RELN: variants seen among roughly 807,000 people sequenced by gnomAD.
RELN encodes the protein reelin.
In RELN, 108 loss-of-function variants were observed where a neutral mutation model predicts 427.6. That is an observed-to-expected ratio of 0.25 (90% CI 0.22 to 0.30). The LOEUF is 0.30. RELN is among the 10% of genes least tolerant of loss of function. RELN has a pLI of 1.00. For synonymous variants in RELN, 1,524 were observed against 1,513.4 expected, an observed-to-expected ratio of 1.01 and a Z score of -0.16; for missense variants, 3,715 against 4,302.8, an observed-to-expected ratio of 0.86 and a Z score of 3.82.
chr7:103,755,205 C>T (rs188772542), intron 4 of RELN, among the ~76,000 whole-genome samples: 10 of 152,174 alleles, frequency 6.6e-5, no homozygotes, highest in Non-Finnish European at 1.5e-4. Context: ...CCTGTAATCC[C>T]GGCACTTTGG....
intron 11 of RELN, among the ~76,000 whole-genome samples, chr7:103,681,281 A>G (rs2115690425): frequency 6.6e-6 from 1 of 152,276 alleles, no homozygotes; most frequent in South Asian, 2.1e-4. Context: ...ATCAGTTTTG[A>G]TTTAATTTGT....
Position 103,572,189 on chromosome 7 carries a change from T to C in RELN, c.4583A>G (p.Asn1528Ser). Residue 1528 changes from asparagine to serine, a missense_variant, in exon 31 of 65, where the codon AAT (asparagine) becomes AGT (serine). Asn to Ser is a conservative substitution (Grantham distance 46). Transcript: ENST00000428762. ...ATGGAAATACAGCAGCTTACCTTCA[T>C]TTCTAGTTCTTGGTTTGATGCAGGT... Reference protein sequence around the residue: ...GITCIKPRTRNEGLIVQYSND... With the variant: ...GITCIKPRTRSEGLIVQYSND... The C allele has an allele frequency of 1.3e-6, 2 of 1,555,406 alleles. No individual in the cohort carries two copies. Among genetic ancestry groups the C allele is most frequent in the Non-Finnish European group, 1.8e-6 (2 of 1,126,528 alleles).
intron 16 of RELN, among the ~76,000 whole-genome samples, chr7:103,642,291 A>G (rs957838205): frequency 6.9e-6 from 1 of 145,782 alleles, no homozygotes; most frequent in Non-Finnish European, 1.5e-5. Context: ...GTTTTTCTCT[A>G]TTTTTTTCTG....
At position 103,939,914 on chromosome 7, in the gene RELN, T is replaced by C. The variant is rs554815987; in HGVS notation, c.227-22729A>G. Among the ~76,000 whole-genome samples, 6 of 152,342 alleles carry C rather than the reference T, an allele frequency of 3.9e-5. No homozygotes were observed. The East Asian group carries it at 9.6e-4, about 24-fold the overall frequency. On this transcript the variant is annotated intron_variant, in intron 1 of 64. Coordinates refer to ENST00000428762, the MANE Select transcript of RELN (RefSeq NM_005045.4). ...TCTATGTAATGGTAGGATCCAATTC[T>C]GTTTAAAAGCATATTTATACATGTT...
Position 103,843,646 on chromosome 7 carries a change from G to C in RELN, c.338-9974C>G, listed in dbSNP as rs144781969. On this transcript the variant is annotated intron_variant, in intron 2 of 64. Transcript: ENST00000428762. The stretch of plus-strand genomic sequence containing the variant: ...CTCCAAATGCCTAAATTTTTCATCA[G>C]TTATTATATACCCTTTGTCCTCTTG... Among the ~76,000 whole-genome samples, 882 of 152,206 alleles carry C rather than the reference G, an allele frequency of 5.8e-3. 12 individuals carry two copies. Among genetic ancestry groups the C allele is most frequent in the African/African-American group, 0.021 (852 of 41,544 alleles).
At chr7:103,526,104 G>A (rs922556413) in intron 46 of RELN, among the ~76,000 whole-genome samples, 1 of 152,202 alleles carries the variant, frequency 6.6e-6, no homozygotes, top group Non-Finnish European at 1.5e-5. Context: ...GGGGCAGACA[G>A]CTTCCTGGCA....
At chr7:103,815,981 G>A (rs753971150) in intron 3 of RELN, among the ~76,000 whole-genome samples, 8 of 152,040 alleles carry the variant, frequency 5.3e-5, no homozygotes, top group Admixed American at 1.3e-4. Context: ...ACTGTTATAC[G>A]TCAAGTCCTC....
Position 103,626,788 on chromosome 7 carries a change from A to G in RELN, c.2702+3152T>C. ...ACTAATAGTATTAGATGCAATATTTAATAAACTTCAATTAGAATTTTTCCC... is the reference window on the plus strand; with the variant it reads ...ACTAATAGTATTAGATGCAATATTTGATAAACTTCAATTAGAATTTTTCCC... On this transcript the variant is annotated intron_variant, in intron 20 of 64. Transcript: ENST00000428762. This position sits in a 1 kb window ranked among gnomAD's most constrained non-coding sequence, Gnocchi z 4.4. 1.3e-5 allele frequency among the ~76,000 whole-genome samples: 2 copies of G among 152,160 alleles called. 1 individual carries two copies. The highest frequency in any genetic ancestry group is 2.9e-5 in the Non-Finnish European group (2 of 67,986).
chr7:103,950,787 C>T (rs1344007776), intron 1 of RELN, among the ~76,000 whole-genome samples: 1 of 152,152 alleles, frequency 6.6e-6, no homozygotes, highest in East Asian at 1.9e-4. Flanking sequence ...TTGGATAACA[C>T]CATGATCTAT....
In RELN at chr7:103,666,476, C is replaced by G. The variant is rs373589386; in HGVS notation, c.1290-4949G>C. 2.4e-4 allele frequency among the ~76,000 whole-genome samples: 36 copies of G among 152,150 alleles called. 1 individual carries two copies. The highest frequency in any genetic ancestry group is 8.2e-4 in the African/African-American group (34 of 41,520). On this transcript the variant is annotated intron_variant, in intron 11 of 64. Transcript: ENST00000428762. ...TTTTAAATCATTTAATCATATTTAT[C>G]TCATATCTCTCTTATCTCAATTGGA...
At chr7:103,934,005 A>G (rs1795923075) in intron 1 of RELN, among the ~76,000 whole-genome samples, 1 of 152,190 alleles carries the variant, frequency 6.6e-6, no homozygotes, top group African/African-American at 2.4e-5. Context: ...GATGAGAAAC[A>G]GCCAAAAATC....
chr7:103,813,145 G>A (rs1204830294), intron 3 of RELN, among the ~76,000 whole-genome samples: 1 of 152,084 alleles, frequency 6.6e-6, no homozygotes, highest in African/African-American at 2.4e-5. Flanking sequence ...TCCCTGGAAG[G>A]TTACTGGAAA....
At chr7:103,847,759 T>C (rs1456042651) in intron 2 of RELN, among the ~76,000 whole-genome samples, 1 of 152,150 alleles carries the variant, frequency 6.6e-6, no homozygotes, top group Non-Finnish European at 1.5e-5. Context: ...ATGGCTTGTA[T>C]TTATATCTCT....
intron 2 of RELN, among the ~76,000 whole-genome samples, chr7:103,911,814 T>C (rs1795372748): frequency 8.4e-6 from 1 of 118,358 alleles, no homozygotes; most frequent in African/African-American, 3.3e-5. Flanking sequence ...TGAGATCACA[T>C]GGACACAGGA....
rs1300635223 is a variant in RELN, at chr7:103,566,113, C to G, written c.4936+111G>C. On this transcript the variant is annotated intron_variant, in intron 33 of 64. Transcript: ENST00000428762. ...TTTTTTCACTGAGAGCCACCCTCAGCATGGGTAGTTAGGCACACGGTTTTG... is the reference window on the plus strand; with the variant it reads ...TTTTTTCACTGAGAGCCACCCTCAGGATGGGTAGTTAGGCACACGGTTTTG... 4.3e-6 allele frequency: 4 copies of G among 924,090 alleles called. No homozygotes were observed. The African/African-American group carries it at 6.5e-5, about 15-fold the overall frequency. 57.2% of individuals were successfully genotyped at this position (924,090 alleles called of 1,614,324 possible).
chr7:103,540,684 T>G (rs1230328903), intron 43 of RELN, among the ~76,000 whole-genome samples: 1 of 152,154 alleles, frequency 6.6e-6, no homozygotes, highest in Non-Finnish European at 1.5e-5. Flanking sequence ...CATATTTGTG[T>G]CTAGTGACTC....
intron 6 of RELN, among the ~76,000 whole-genome samples, chr7:103,748,299 T>G (rs576198505): frequency 6.6e-6 from 1 of 152,198 alleles, no homozygotes; most frequent in South Asian, 2.1e-4. Flanking sequence ...TGATAATATT[T>G]TTTTCTATAT....
Position 103,540,416 on chromosome 7 carries a change from G to T in RELN, c.6711C>A (p.Gly2237=), listed in dbSNP as rs906135256. 1 of 1,613,944 alleles carries T rather than the reference G, an allele frequency of 6.2e-7. No individual in the cohort carries two copies. The highest frequency in any genetic ancestry group is 1.7e-5 in the Admixed American group (1 of 60,014). Residue 2237 remains glycine, a synonymous_variant, in exon 44 of 65, where the codon GGC becomes GGA. Coordinates refer to ENST00000428762, the MANE Select transcript of RELN (RefSeq NM_005045.4). Reference sequence around the variant, plus strand: ...CGGGTTGACTCCTGGGGTCAGGAACGCCTTTACCACATCCCAGTCTCATGA... The same window carrying T: ...CGGGTTGACTCCTGGGGTCAGGAACTCCTTTACCACATCCCAGTCTCATGA... ...QFFMRLGCGK[G]VPDPRSQPVL... is the part of the protein sequence containing the mutation.
intron 3 of RELN, among the ~76,000 whole-genome samples, chr7:103,832,660 A>G (rs1464161023): frequency 6.6e-6 from 1 of 152,176 alleles, no homozygotes; most frequent in Non-Finnish European, 1.5e-5. Flanking sequence ...CAGATGTTAC[A>G]GTCACAGCCT....
Sources: gnomAD v4.1 joint callset for allele counts (sites outside exome capture counted in the v4.1 genomes callset) on GRCh38, gnomAD v4.1.1 for gene constraint, Gnocchi (gnomAD v3.1) non-coding constraint, MANE v1.5 for transcripts, NCBI Gene and HGNC (gene_info 2026-07-23, HGNC 2026-07-21) for gene names.